XYLT1: variants seen among roughly 807,000 people sequenced by gnomAD.
The protein encoded by XYLT1 is xylosyltransferase 1, also known as beta-D-xylosyltransferase 1.
In XYLT1, 36 loss-of-function variants were observed where a neutral mutation model predicts 91.3. The observed-to-expected ratio is 0.39, with a 90% confidence interval of 0.30 to 0.52. The LOEUF (loss-of-function observed/expected upper bound fraction) is 0.52. Among genes scored for constraint, XYLT1 ranks in the 20% least tolerant of loss-of-function variants. The pLI is 0.68. For missense variants in XYLT1, 1,242 were observed against 1,284.5 expected, an observed-to-expected ratio of 0.97 and a Z score of 0.51; for synonymous variants, 588 against 532.0, an observed-to-expected ratio of 1.11 and a Z score of -1.45.
At chr16:17,392,537 T>C (rs1410493396) in intron 1 of XYLT1, among the ~76,000 whole-genome samples, 1 of 152,172 alleles carries the variant, frequency 6.6e-6, no homozygotes, top group East Asian at 1.9e-4. Context: ...TAGCTGATAC[T>C]CCTAAAAAAT....
At chr16:17,437,291 G>C (rs2141938114) in intron 1 of XYLT1, among the ~76,000 whole-genome samples, 1 of 152,308 alleles carries the variant, frequency 6.6e-6, no homozygotes, top group East Asian at 1.9e-4. Context: ...GGCCCGTGTA[G>C]GGTACAAGCT....
rs929239870 is a variant in XYLT1, at chr16:17,305,580, T to C, written c.403-46082A>G. On this transcript the variant is annotated intron_variant, in intron 2 of 11. Coordinates refer to ENST00000261381, the MANE Select transcript of XYLT1 (RefSeq NM_022166.4). ...ACAGGCATGCACCACCACGCCCAGC[T>C]AACTTTTGTATTTTTAGTAGAGACA... 5.5e-4 allele frequency among the ~76,000 whole-genome samples: 83 copies of C among 151,946 alleles called. 3 individuals carry two copies. Among genetic ancestry groups the C allele is most frequent in the Admixed American group, 5.4e-3 (83 of 15,248 alleles).
At chr16:17,158,741 G>T in intron 6 of XYLT1, 88 bp downstream of exon 6, 1 of 1,419,372 alleles carries the variant, frequency 7.0e-7, no homozygotes, top group Non-Finnish European at 9.9e-7. Flanking sequence ...CCTTTCTGTG[G>T]CTGCATGAAA....
intron 1 of XYLT1, among the ~76,000 whole-genome samples, chr16:17,438,001 C>A (rs116844680): frequency 1.3e-5 from 2 of 152,124 alleles, no homozygotes; most frequent in South Asian, 4.1e-4. Context: ...AAAACCCTCA[C>A]ATCAAATGCG....
intron 8 of XYLT1, 115 bp downstream of exon 8, chr16:17,138,240 A>AGCCAGGTTTG: frequency 1.6e-6 from 2 of 1,230,146 alleles, no homozygotes; most frequent in South Asian, 2.9e-5. Flanking sequence ...AATTATCAAC[A>AGCCAGGTTTG]GCCAGGTTTG....
At chr16:17,341,588 T>C (rs1348028905) in intron 2 of XYLT1, among the ~76,000 whole-genome samples, 1 of 152,206 alleles carries the variant, frequency 6.6e-6, no homozygotes, top group Non-Finnish European at 1.5e-5. Flanking sequence ...TGCCATTACT[T>C]TTAAATGGCA....
At chr16:17,364,046 C>A (rs764902146) in intron 1 of XYLT1, among the ~76,000 whole-genome samples, 1 of 152,208 alleles carries the variant, frequency 6.6e-6, no homozygotes, top group South Asian at 2.1e-4. Flanking sequence ...AATGCAATCA[C>A]CTCAGTAAAG....
intron 1 of XYLT1, among the ~76,000 whole-genome samples, chr16:17,441,327 C>G (rs577327262): frequency 6.6e-6 from 1 of 152,122 alleles, no homozygotes; most frequent in East Asian, 1.9e-4. Flanking sequence ...TTTGGCCACA[C>G]AGGGTGTTAC....
At chr16:17,165,101 C>T (rs915066155) in intron 5 of XYLT1, among the ~76,000 whole-genome samples, 62 of 152,272 alleles carry the variant, frequency 4.1e-4, no homozygotes, top group African/African-American at 1.4e-3. Context: ...CCTTTAAAAT[C>T]ATTATGAAAG....
chr16:17,186,022 C>G (rs943641155), intron 5 of XYLT1, among the ~76,000 whole-genome samples: 1 of 151,548 alleles, frequency 6.6e-6, no homozygotes, highest in Non-Finnish European at 1.5e-5. Context: ...TATATATACA[C>G]AGAGAGAGAG....
In XYLT1 at chr16:17,362,237, G is replaced by A. The variant is rs151282286; in HGVS notation, c.364-4187C>T. ...AAGCAGTACCACCTTAACAAATACC[G>A]TAATCTTTTTTTTTTTACCATCTGT... On this transcript the variant is annotated intron_variant, in intron 1 of 11. Coordinates refer to ENST00000261381, the MANE Select transcript of XYLT1 (RefSeq NM_022166.4). Among the ~76,000 whole-genome samples, 11 of 152,112 alleles carry A rather than the reference G, an allele frequency of 7.2e-5. No homozygotes were observed. The South Asian group carries it at 1.5e-3, about 20-fold the overall frequency.
Position 17,357,982 on chromosome 16 carries a change from A to G in XYLT1, c.402+30T>C, listed in dbSNP as rs774740406. On this transcript the variant is annotated intron_variant, in intron 2 of 11. Coordinates refer to ENST00000261381, the MANE Select transcript of XYLT1 (RefSeq NM_022166.4). Reference sequence around the variant, plus strand: ...TGAGAGCTGGAATACTAAGGCTGAGATAAGTGGCCAAGACAGGAAAGATAC... The same window carrying G: ...TGAGAGCTGGAATACTAAGGCTGAGGTAAGTGGCCAAGACAGGAAAGATAC... 4.3e-6 allele frequency: 7 copies of G among 1,611,878 alleles called. 1 individual carries two copies. Among genetic ancestry groups the G allele is most frequent in the South Asian group, 3.3e-5 (3 of 90,474 alleles).
Position 17,259,211 on chromosome 16 carries a change from C to T in XYLT1, c.690G>A (p.Gly230=). ...CATGAGGCGGTCTGGACACATCCTTCCCGTGGCTGCTGTTGGCTGCGGCTC... is the reference window on the plus strand; with the variant it reads ...CATGAGGCGGTCTGGACACATCCTTTCCGTGGCTGCTGTTGGCTGCGGCTC... ...GDRAAANSSH[G]KDVSRPPHAR... The change falls in exon 3 of 12, where the codon GGG becomes GGA. Residue 230 remains glycine, a synonymous_variant. Coordinates refer to ENST00000261381, the MANE Select transcript of XYLT1 (RefSeq NM_022166.4). 2 of 1,613,918 alleles carry T rather than the reference C, an allele frequency of 1.2e-6. No homozygotes were observed. The highest frequency in any genetic ancestry group is 1.7e-6 in the Non-Finnish European group (2 of 1,179,962).
intron 1 of XYLT1, among the ~76,000 whole-genome samples, chr16:17,405,922 C>A (rs886109597): frequency 6.6e-6 from 1 of 152,170 alleles, no homozygotes; most frequent in African/African-American, 2.4e-5. Flanking sequence ...TGGTGACTCA[C>A]GCCTGAAATC....
At chr16:17,187,100 A>G (rs1043249607) in intron 5 of XYLT1, among the ~76,000 whole-genome samples, 1 of 152,084 alleles carries the variant, frequency 6.6e-6, no homozygotes, top group Non-Finnish European at 1.5e-5. Context: ...TCTAAAATGT[A>G]GAAGAATCAG....
At chr16:17,157,706 G>A (rs567077102) in intron 6 of XYLT1, among the ~76,000 whole-genome samples, 21 of 152,210 alleles carry the variant, frequency 1.4e-4, no homozygotes, top group South Asian at 8.3e-4. Context: ...ACAAGACCCC[G>A]GGATGTCAGA....
At chr16:17,461,646 TGATGGATG>T (rs756387587) in intron 1 of XYLT1, among the ~76,000 whole-genome samples, 7 of 151,714 alleles carry the variant, frequency 4.6e-5, no homozygotes, top group Non-Finnish European at 1.0e-4. Context: ...ATGAATGGAC[TGATGGATG>T]GATGGATGGA....
intron 1 of XYLT1, among the ~76,000 whole-genome samples, chr16:17,450,418 T>C (rs1451442903): frequency 6.7e-6 from 1 of 149,558 alleles, no homozygotes; most frequent in East Asian, 2.0e-4. Context: ...AAGTGGGAGG[T>C]ACTGGGAGGA....
At chr16:17,411,298 C>A (rs2036104101) in intron 1 of XYLT1, among the ~76,000 whole-genome samples, 1 of 152,144 alleles carries the variant, frequency 6.6e-6, no homozygotes, top group Non-Finnish European at 1.5e-5. Context: ...AACATTATAA[C>A]CCCCTTCATG....
Sources: gnomAD v4.1 joint callset for allele counts (sites outside exome capture counted in the v4.1 genomes callset) on GRCh38, gnomAD v4.1.1 for gene constraint, MANE v1.5 for transcripts, NCBI Gene and HGNC (gene_info 2026-07-23, HGNC 2026-07-21) for gene names.